The following RBMS3 variants were observed in gnomAD, a reference collection of about 807,000 sequenced individuals.
RBMS3 encodes the protein RNA binding motif single stranded interacting protein 3.
Under a neutral mutation model 66.8 loss-of-function variants are expected in RBMS3, and 27 were observed. The ratio of observed to expected loss-of-function variants is 0.40; its 90% CI spans 0.30 to 0.56. RBMS3 has a LOEUF of 0.56. Among genes scored for constraint, RBMS3 ranks in the 20% least tolerant of loss-of-function variants. RBMS3 has a pLI of 0.40. For missense variants in RBMS3, 513 were observed against 549.5 expected, an observed-to-expected ratio of 0.93 and a Z score of 0.66; for synonymous variants, 188 against 183.0, an observed-to-expected ratio of 1.03 and a Z score of -0.22.
intron 1 of RBMS3, among the ~76,000 whole-genome samples, chr3:29,313,491 T>C (rs1287357698): frequency 6.6e-6 from 1 of 151,704 alleles, no homozygotes; most frequent in Non-Finnish European, 1.5e-5. Context: ...ACAAGGAAAT[T>C]TGAGGCACAG....
At chr3:29,886,156 T>C (rs1279864837) in intron 8 of RBMS3, among the ~76,000 whole-genome samples, 1 of 151,860 alleles carries the variant, frequency 6.6e-6, no homozygotes, top group Non-Finnish European at 1.5e-5. Flanking sequence ...ATAAAATCAG[T>C]AGTAATTTCA....
chr3:29,874,380 A>C (rs911024924), intron 7 of RBMS3, among the ~76,000 whole-genome samples: 2 of 152,202 alleles, frequency 1.3e-5, no homozygotes, highest in African/African-American at 4.8e-5. Flanking sequence ...AGAATATCTT[A>C]GATCATTTTC....
At chr3:29,646,004 C>T (rs77586871) in intron 4 of RBMS3, among the ~76,000 whole-genome samples, 1 of 152,314 alleles carries the variant, frequency 6.6e-6, no homozygotes, top group East Asian at 1.9e-4. Flanking sequence ...GCTGGTTATG[C>T]ATTGGTATTT....
intron 6 of RBMS3, among the ~76,000 whole-genome samples, chr3:29,805,910 A>G (rs549828419): frequency 1.4e-4 from 22 of 152,104 alleles, no homozygotes; most frequent in African/African-American, 5.1e-4. Context: ...TTCACTCACC[A>G]CGCACTCACT....
intron 4 of RBMS3, among the ~76,000 whole-genome samples, chr3:29,591,444 C>T (rs1233914210): frequency 6.6e-6 from 1 of 152,156 alleles, no homozygotes; most frequent in Non-Finnish European, 1.5e-5. Context: ...GGAAGCAAGC[C>T]TAAATTATTG....
At chr3:29,993,941 A>G (rs1699046896) in intron 14 of RBMS3, among the ~76,000 whole-genome samples, 1 of 152,138 alleles carries the variant, frequency 6.6e-6, no homozygotes, top group African/African-American at 2.4e-5. Context: ...AGATGGCCGA[A>G]TAGGAACAGC....
intron 2 of RBMS3, among the ~76,000 whole-genome samples, chr3:29,438,141 G>T (rs1350501124): frequency 6.6e-6 from 1 of 151,364 alleles, no homozygotes; most frequent in African/African-American, 2.4e-5. Context: ...TTCCATTCCT[G>T]TACCTCATCT....
At chr3:29,773,664 T>C (rs531893143) in intron 6 of RBMS3, among the ~76,000 whole-genome samples, 43 of 152,232 alleles carry the variant, frequency 2.8e-4, no homozygotes, top group African/African-American at 1.0e-3. Context: ...CACCTGCATC[T>C]CTTTCATTAG....
chr3:29,584,452 A>G (rs2047438584), intron 3 of RBMS3, among the ~76,000 whole-genome samples: 1 of 151,938 alleles, frequency 6.6e-6, no homozygotes. Flanking sequence ...CTATATTTCC[A>G]ATTTCATCTC....
At chr3:29,410,545 G>A (rs2040221910) in intron 1 of RBMS3, among the ~76,000 whole-genome samples, 1 of 152,176 alleles carries the variant, frequency 6.6e-6, no homozygotes, top group African/African-American at 2.4e-5. Context: ...TTGCGCCAGT[G>A]TCTGGTACCA....
chr3:29,638,604 G>T (rs9832480), intron 4 of RBMS3, among the ~76,000 whole-genome samples: 10,835 of 151,758 alleles, frequency 0.071, 716 homozygotes, highest in East Asian at 0.33. Context: ...AGTACAATTC[G>T]CAATTCTTGC....
chr3:29,439,935 A>G (rs2041553064), intron 2 of RBMS3, among the ~76,000 whole-genome samples: 1 of 152,202 alleles, frequency 6.6e-6, no homozygotes, highest in African/African-American at 2.4e-5. Context: ...GATCATATAT[A>G]TCCTTTATGC....
At chr3:29,365,605 G>A (rs923519824) in intron 1 of RBMS3, among the ~76,000 whole-genome samples, 4 of 151,964 alleles carry the variant, frequency 2.6e-5, no homozygotes, top group Non-Finnish European at 5.9e-5. Flanking sequence ...CGTTCCCTCC[G>A]GCCCATACTC....
chr3:29,754,435 T>C (rs2055318813), intron 5 of RBMS3, among the ~76,000 whole-genome samples: 3 of 152,310 alleles, frequency 2.0e-5, no homozygotes, highest in Non-Finnish European at 4.4e-5. Context: ...AAAAGTGAAT[T>C]GGTCTGAATG....
At chr3:29,430,792 AT>A (rs1315188049) in intron 1 of RBMS3, among the ~76,000 whole-genome samples, 1 of 152,360 alleles carries the variant, frequency 6.6e-6, no homozygotes, top group Admixed American at 6.5e-5. Context: ...ACAAAGTCTC[AT>A]TTTTGAAAAA....
chr3:29,934,640 A>G (rs1456197239), intron 10 of RBMS3, among the ~76,000 whole-genome samples: 1 of 152,166 alleles, frequency 6.6e-6, no homozygotes, highest in Non-Finnish European at 1.5e-5. Context: ...ACAAATGCAC[A>G]ATTGTGTATA....
intron 2 of RBMS3, among the ~76,000 whole-genome samples, chr3:29,477,232 G>T (rs2042977025): frequency 6.6e-6 from 1 of 152,100 alleles, no homozygotes; most frequent in Non-Finnish European, 1.5e-5. Flanking sequence ...TGAAGGAAAT[G>T]TGCTCAATAT....
chr3:29,551,891 G>A (rs1347774), intron 3 of RBMS3, among the ~76,000 whole-genome samples: 1,966 of 152,184 alleles, frequency 0.013, 28 homozygotes, highest in South Asian at 0.037. Flanking sequence ...AGATAGAAAG[G>A]TTTGCCTTCC....
At chr3:29,967,357 A>T (rs114585466) in intron 12 of RBMS3, among the ~76,000 whole-genome samples, 12,111 of 152,170 alleles carry the variant, frequency 0.08, 836 homozygotes, top group South Asian at 0.21. Context: ...TTTTTGAGAC[A>T]GTCTCTGGCC....
Sources: gnomAD v4.1 joint callset for allele counts (sites outside exome capture counted in the v4.1 genomes callset) on GRCh38, gnomAD v4.1.1 for gene constraint, MANE v1.5 for transcripts, NCBI Gene and HGNC (gene_info 2026-07-23, HGNC 2026-07-21) for gene names.